The following RPS24 variants were observed in gnomAD, a reference collection of about 807,000 sequenced individuals.
RPS24 encodes small ribosomal subunit protein eS24.
For missense variants in RPS24, 100 were observed against 162.5 expected, an observed-to-expected ratio of 0.62 and a Z score of 2.09; for synonymous variants, 72 against 55.6, an observed-to-expected ratio of 1.30 and a Z score of -1.31.
At chr10:78,035,079 C>T (rs1001451610) in intron 1 of RPS24, among the ~76,000 whole-genome samples, 2 of 152,154 alleles carry the variant, frequency 1.3e-5, no homozygotes, top group South Asian at 4.1e-4. Flanking sequence ...ATCAGTAGTG[C>T]TGAGGTTGAG....
downstream of RPS24, among the ~76,000 whole-genome samples, chr10:78,045,412 T>C (rs1416335702): frequency 1.3e-5 from 2 of 152,214 alleles, no homozygotes. Context: ...TCTGGGCTTC[T>C]ATTTCCCTCC....
chr10:78,037,397 TTTC>T, intron 4 of RPS24, 93 bp downstream of exon 4: 1 of 1,486,834 alleles, frequency 6.7e-7, no homozygotes, highest in Non-Finnish European at 9.0e-7. Context: ...TAAAATAACT[TTTC>T]TTAATGTTTC....
chr10:78,040,003 C>T (rs1406043237), intron 4 of RPS24: 2 of 666,566 alleles, frequency 3.0e-6, no homozygotes, highest in Non-Finnish European at 2.8e-6. Context: ...TCAGGCAAGG[C>T]ATTGTCAGAA....
chr10:78,041,669 C>A (rs1036900746), downstream of RPS24, among the ~76,000 whole-genome samples: 3 of 152,122 alleles, frequency 2.0e-5, no homozygotes, highest in Non-Finnish European at 4.4e-5. Context: ...AGAGAAGGCA[C>A]CCTGTGAGCA....
chr10:78,038,831 C>A (rs529900645), intron 4 of RPS24: 1 of 152,076 alleles, frequency 6.6e-6, no homozygotes, highest in African/African-American at 2.4e-5. Context: ...AGGATTTAGC[C>A]GTGTTGCTCA....
Position 78,054,993 on chromosome 10 carries a change from T to C in RPS24, c.853T>C (p.Ser285Pro), listed in dbSNP as rs140668104. Reference sequence around the variant, plus strand: ...CTGCTTCTCCCCACCTTCCTGCCTCTCTGGTCTGGGCCACTAATGTCACTG... The same window carrying C: ...CTGCTTCTCCCCACCTTCCTGCCTCCCTGGTCTGGGCCACTAATGTCACTG... Residue 285 changes from serine to proline, a missense_variant, in exon 5 of 5, where the codon TCT becomes CCT. Physicochemically the swap from Ser to Pro is moderately conservative, Grantham distance 74. Transcript: ENST00000440692. The C allele has an allele frequency of 7.2e-4, 1,064 of 1,475,900 alleles. 12 individuals are homozygous for C. In the East Asian group the frequency reaches 0.023, roughly 32 times the overall value. 91.4% of individuals were successfully genotyped at this position (1,475,900 alleles called of 1,614,324 possible).
At position 78,052,035 on chromosome 10, in the gene RPS24, A is replaced by G. The variant is rs937389212; in HGVS notation, c.391-2496A>G. ...ATTTTTAAAATTTATTTATTTATTT[A>G]TTTATTTTGAGACAGGGCCTTGCCC... On this transcript the variant is annotated intron_variant, in intron 4 of 4. Coordinates refer to the RPS24 transcript ENST00000440692. 2.0e-5 allele frequency among the ~76,000 whole-genome samples: 3 copies of G among 151,606 alleles called. No individual in the cohort carries two copies. The South Asian group carries it at 6.2e-4, about 32-fold the overall frequency.
chr10:78,051,663 A>T (rs1326201076), intron 4 of RPS24, among the ~76,000 whole-genome samples: 1 of 152,310 alleles, frequency 6.6e-6, no homozygotes, highest in East Asian at 1.9e-4. Context: ...AGGCAGCACC[A>T]TTTTATGTTC....
At chr10:78,036,478 G>T (rs1306397036) in intron 3 of RPS24, 1 of 153,186 alleles carries the variant, frequency 6.5e-6, no homozygotes, top group Non-Finnish European at 1.5e-5. Flanking sequence ...GGTAATTTTT[G>T]TATTTTTAGT....
In RPS24 at chr10:78,054,579, G is replaced by A. The variant is rs1848131795; in HGVS notation, c.439G>A (p.Glu147Lys). 1.3e-6 allele frequency: 2 copies of A among 1,548,690 alleles called. No homozygotes were observed. Among genetic ancestry groups the A allele is most frequent in the Non-Finnish European group, 1.7e-6 (2 of 1,144,370 alleles). Residue 147 changes from glutamate (E) to lysine (K), a missense_variant, in exon 5 of 5, where the codon GAA (glutamate) becomes AAA (lysine). Physicochemically the swap from Glu to Lys is moderately conservative, Grantham distance 56. Transcript: ENST00000440692. Reference sequence around the variant, plus strand: ...GCAAGCATTGGGAAGAATTTCCCAGGAAGAGAGATGCACAGATGTGAAGAA... The same window carrying A: ...GCAAGCATTGGGAAGAATTTCCCAGAAAGAGAGATGCACAGATGTGAAGAA...
intron 4 of RPS24, 127 bp downstream of exon 4, chr10:78,037,431 G>A: frequency 7.2e-7 from 1 of 1,396,940 alleles, no homozygotes; most frequent in Non-Finnish European, 9.6e-7. Context: ...TCTTCTTCTG[G>A]ATTACAGAAG....
At position 78,037,287 on chromosome 10, in the gene RPS24, G is replaced by A. The variant is rs1205778070; in HGVS notation, c.373G>A (p.Val125Ile). 6.2e-7 allele frequency: 1 copy of A among 1,603,408 alleles called. No homozygotes were observed. Among genetic ancestry groups the A allele is most frequent in the South Asian group, 1.1e-5 (1 of 88,968 alleles). Residue 125 changes from valine (V) to isoleucine (I), a missense_variant, in exon 4 of 6, where the codon GTT becomes ATT. Coordinates refer to ENST00000372360, the MANE Select transcript of RPS24 (RefSeq NM_033022.4). ...AGTCAGGGGGACTGCAAAGGCCAATGTTGGTGCTGGCAAAAAGGTATAGTT... is the reference window on the plus strand; with the variant it reads ...AGTCAGGGGGACTGCAAAGGCCAATATTGGTGCTGGCAAAAAGGTATAGTT... The part of the protein sequence containing the change: ...KKVRGTAKAN[V>I]GAGKK
chr10:78,040,756 G>T, downstream of RPS24: 1 of 1,243,730 alleles, frequency 8.0e-7, no homozygotes. Context: ...AGGTTAGTCT[G>T]CTGATTTCAG....
intron 3 of RPS24, chr10:78,036,497 G>A (rs1055610642): frequency 7.8e-5 from 12 of 153,330 alleles, no homozygotes; most frequent in African/African-American, 2.9e-4. Flanking sequence ...GTAGAGACTG[G>A]GTTTCACCAT....
At chr10:78,037,902 CTTTTTTTTTTTTTT>C in intron 4 of RPS24, 1 of 378,792 alleles carries the variant, frequency 2.6e-6, no homozygotes, top group Admixed American at 7.0e-5. Context: ...GTTCTGTGAA[CTTTTTTTTTTTTTT>C]TTTTTTTTTG....
chr10:78,042,327 T>C (rs140729546), downstream of RPS24, among the ~76,000 whole-genome samples: 518 of 152,330 alleles, frequency 3.4e-3, 1 homozygote, highest in African/African-American at 0.012. Context: ...TCCATCCAAG[T>C]GTTTTTTGGG....
chr10:78,055,773 G>A (rs1848144474), exon 5 of RPS24: 3 of 151,662 alleles, frequency 2.0e-5, no homozygotes, highest in Non-Finnish European at 4.4e-5. Context: ...TTTTTTTTGA[G>A]ACGGAGTCTT....
chr10:78,035,212 C>A, intron 1 of RPS24, 140 bp from the exon 2 acceptor site: 1 of 808,026 alleles, frequency 1.2e-6, no homozygotes, highest in Non-Finnish European at 2.1e-6. Flanking sequence ...TTTGGCCTTG[C>A]CCAGTGGGTT....
exon 5 of RPS24, chr10:78,055,825 T>C (rs1332629085): frequency 6.6e-6 from 1 of 152,382 alleles, no homozygotes; most frequent in East Asian, 1.9e-4. Flanking sequence ...CCATCTTGGC[T>C]CACTGCAACC....
Sources: gnomAD v4.1 joint callset for allele counts (sites outside exome capture counted in the v4.1 genomes callset) on GRCh38, gnomAD v4.1.1 for gene constraint, MANE v1.5 for transcripts, NCBI Gene and HGNC (gene_info 2026-07-23, HGNC 2026-07-21) for gene names.